The following GALNT11 variants were observed in gnomAD, a reference collection of about 807,000 sequenced individuals.
GALNT11 encodes the protein UDP-GalNAc:polypeptide N-acetylgalactosaminyltransferase 11.
A neutral mutation model predicts 72.7 loss-of-function variants in GALNT11; 47 were observed. That is an observed-to-expected ratio of 0.65 (90% CI 0.51 to 0.82). The LOEUF is 0.82. Ranked by LOEUF, GALNT11 falls within the 40% of genes least tolerant of loss-of-function variation. The pLI is 0.00. For missense variants in GALNT11, 677 were observed against 778.4 expected (o/e 0.87, Z 1.55); for synonymous variants, 270 against 286.6 (o/e 0.94, Z 0.58).
chr7:152,115,311 A>T (rs1479211620), intron 8 of GALNT11, among the ~76,000 whole-genome samples: 1 of 152,228 alleles, frequency 6.6e-6, no homozygotes, highest in East Asian at 1.9e-4. Context: ...AAATCGAGGC[A>T]TCAGCACCCA....
chr7:152,102,585 T>A (rs748540914), intron 3 of GALNT11, among the ~76,000 whole-genome samples: 2 of 151,866 alleles, frequency 1.3e-5, no homozygotes, highest in Non-Finnish European at 2.9e-5. Flanking sequence ...ATAGCAGGTA[T>A]AGGAGGGAGA....
intron 1 of GALNT11, among the ~76,000 whole-genome samples, chr7:152,035,403 G>A (rs1204554865): frequency 1.3e-5 from 2 of 152,182 alleles, no homozygotes; most frequent in African/African-American, 4.8e-5. Flanking sequence ...TTTCTGACAA[G>A]CATTAGGACC....
chr7:152,092,031 C>A (rs953913477), intron 1 of GALNT11, among the ~76,000 whole-genome samples: 1 of 152,102 alleles, frequency 6.6e-6, no homozygotes, highest in African/African-American at 2.4e-5. Flanking sequence ...TAAGCGTGGA[C>A]CTTGCTATAT....
chr7:152,108,300 CTTTG>C lies in GALNT11; in HGVS notation c.962+18_962+21del. 1 of 1,592,968 alleles carries C rather than the reference CTTTG, an allele frequency of 6.3e-7. No individual in the cohort carries two copies. Among genetic ancestry groups the C allele is most frequent in the South Asian group, 1.1e-5 (1 of 90,258 alleles). On this transcript the variant is annotated intron_variant, in intron 6 of 11. Transcript: ENST00000430044. Reference sequence around the variant, plus strand: ...CTGCACCAATAAAGTAAGATCGCTCCTTTGTTTGACAAATTCCTACCAGTGCTTC... The same window carrying C: ...CTGCACCAATAAAGTAAGATCGCTCCTTTGACAAATTCCTACCAGTGCTTC...
chr7:152,028,328 T>C (rs1430969921), intron 1 of GALNT11, among the ~76,000 whole-genome samples: 1 of 152,174 alleles, frequency 6.6e-6, no homozygotes, highest in Non-Finnish European at 1.5e-5. Flanking sequence ...TACAGAGTGC[T>C]AATTGGTCGG....
chr7:152,051,295 C>CT lies in GALNT11; in HGVS notation c.-39+25420dup, dbSNP rs1160584026. ...TTTGGTTGATATGCCTCTTAAGTTT[C>CT]TTTTTTTTTCTTTGCAATATGTTTG... On this transcript the variant is annotated intron_variant, in intron 1 of 11. Transcript: ENST00000430044. Among the ~76,000 whole-genome samples the CT allele has an allele frequency of 1.8e-4, 17 of 95,582 alleles. No individual in the cohort carries two copies. In the East Asian group the frequency reaches 2.8e-3, roughly 15 times the overall value. The allele number at this position is 95,582 out of a possible 152,430, so 62.7% of individuals were successfully genotyped here.
intron 2 of GALNT11, among the ~76,000 whole-genome samples, chr7:152,097,206 C>A (rs900484622): frequency 6.6e-6 from 1 of 152,172 alleles, no homozygotes; most frequent in African/African-American, 2.4e-5. Context: ...ATAGACATTT[C>A]TCCAAAGAAG....
chr7:152,031,187 G>A (rs779581375), intron 1 of GALNT11, among the ~76,000 whole-genome samples: 4 of 152,190 alleles, frequency 2.6e-5, no homozygotes, highest in Admixed American at 6.5e-5. Flanking sequence ...TTTCAAGTAC[G>A]GTTACGTCAC....
Position 152,094,518 on chromosome 7 carries a change from A to G in GALNT11, c.291A>G (p.Glu97=). The G allele has an allele frequency of 1.9e-6, 3 of 1,608,012 alleles. No homozygotes were observed. ...PEEGHLKFSS[E]LGMIFNERDQ... Reference sequence around the variant, plus strand: ...AAGGCCACTTGAAATTCTCTTCTGAATTAGGTAAGTATATGATGTTTACCA... The same window carrying G: ...AAGGCCACTTGAAATTCTCTTCTGAGTTAGGTAAGTATATGATGTTTACCA... The change falls in exon 2 of 12, where the codon GAA becomes GAG. Residue 97 remains glutamate (E), a synonymous_variant. Coordinates refer to ENST00000430044, the MANE Select transcript of GALNT11 (RefSeq NM_022087.4). This position sits in a 1 kb window ranked among gnomAD's most constrained non-coding sequence, Gnocchi z 4.3.
At chr7:152,111,998 G>A (rs1406316787) in intron 7 of GALNT11, among the ~76,000 whole-genome samples, 1 of 152,052 alleles carries the variant, frequency 6.6e-6, no homozygotes, top group Non-Finnish European at 1.5e-5. Flanking sequence ...TTCTCCAATT[G>A]CTAAGGTTTG....
chr7:152,063,884 A>G (rs1359296736), intron 1 of GALNT11, among the ~76,000 whole-genome samples: 3 of 152,156 alleles, frequency 2.0e-5, no homozygotes, highest in Non-Finnish European at 4.4e-5. Flanking sequence ...ACTTCCAACT[A>G]TGTGGTCAAT....
chr7:152,084,250 T>G (rs1039287031), intron 1 of GALNT11, among the ~76,000 whole-genome samples: 1 of 151,788 alleles, frequency 6.6e-6, no homozygotes, highest in Non-Finnish European at 1.5e-5. Flanking sequence ...TAAAAGTTAC[T>G]CTCTTCTAGC....
Position 152,103,113 on chromosome 7 carries a change from T to C in GALNT11, c.421T>C (p.Cys141Arg). ...ATTTCCTCATCTTTATCTTTACAGA[T>C]GTAAAGAAAAGTTCTACCCACCTGA... is the stretch of plus-strand genomic sequence containing the variant. ...RDVPDTRNAACKEKFYPPDLP... is the reference protein window; with the variant it reads ...RDVPDTRNAARKEKFYPPDLP... The change falls in exon 4 of 12, where the codon TGT becomes CGT. Residue 141 changes from cysteine to arginine, a missense_variant and splice_region_variant. Physicochemically the swap from Cys to Arg is radical, Grantham distance 180. Coordinates refer to ENST00000430044, the MANE Select transcript of GALNT11 (RefSeq NM_022087.4). The C allele has an allele frequency of 6.2e-7, 1 of 1,601,842 alleles. No homozygotes were observed. Among genetic ancestry groups the C allele is most frequent in the Non-Finnish European group, 8.5e-7 (1 of 1,171,138 alleles).
intron 1 of GALNT11, among the ~76,000 whole-genome samples, chr7:152,032,024 T>C (rs575546264): frequency 6.6e-6 from 1 of 152,320 alleles, no homozygotes; most frequent in South Asian, 2.1e-4. Flanking sequence ...TAGGCCTAGA[T>C]ATTTGACCTG....
intron 1 of GALNT11, among the ~76,000 whole-genome samples, chr7:152,058,977 G>C (rs1317231881): frequency 1.3e-5 from 2 of 149,486 alleles, no homozygotes; most frequent in African/African-American, 5.1e-5. Context: ...TCTTGAACCT[G>C]TCGGTCAAGG....
Position 152,026,292 on chromosome 7 carries a change from G to A in GALNT11, c.-39+408G>A, listed in dbSNP as rs2082010384. ...TACACAAAACTAGGGAGAATAGTGT[G>A]GAAGGAAATTTAATCTCGGGACCCC... On this transcript the variant is annotated intron_variant, in intron 1 of 11. Transcript: ENST00000430044. Among the ~76,000 whole-genome samples the A allele has an allele frequency of 3.3e-5, 5 of 152,234 alleles. No homozygotes were observed. The South Asian group carries it at 1.0e-3, about 32-fold the overall frequency.
At chr7:152,101,189 T>C (rs1165676589) in intron 3 of GALNT11, among the ~76,000 whole-genome samples, 2 of 152,158 alleles carry the variant, frequency 1.3e-5, no homozygotes, top group Non-Finnish European at 2.9e-5. Flanking sequence ...ATAACCTGAG[T>C]ATAAGTTTGT....
intron 5 of GALNT11, 102 bp downstream of exon 5, chr7:152,105,472 A>T: frequency 6.8e-7 from 1 of 1,477,680 alleles, no homozygotes; most frequent in South Asian, 1.4e-5. Flanking sequence ...GTAGTGTTTC[A>T]AACGGACATT....
At position 152,116,362 on chromosome 7, in the gene GALNT11, A is replaced by G. The variant is rs112795581; in HGVS notation, c.1234-795A>G. On this transcript the variant is annotated intron_variant, in intron 8 of 11. Coordinates refer to ENST00000430044, the MANE Select transcript of GALNT11 (RefSeq NM_022087.4). ...ACCTCCCAGGTTCAAGTGATTCTGCAGCCTCGGCCCCCAAGGAGCATGCGC... is the reference window on the plus strand; with the variant it reads ...ACCTCCCAGGTTCAAGTGATTCTGCGGCCTCGGCCCCCAAGGAGCATGCGC... Among the ~76,000 whole-genome samples the G allele has an allele frequency of 4.0e-3, 604 of 152,206 alleles. 4 individuals carry two copies. Among genetic ancestry groups the G allele is most frequent in the African/African-American group, 0.014 (579 of 41,556 alleles).
Sources: allele counts gnomAD v4.1 joint callset (sites outside exome capture counted in the v4.1 genomes callset), GRCh38; gene constraint gnomAD v4.1.1; non-coding constraint Gnocchi (gnomAD v3.1); transcripts MANE v1.5; gene names NCBI Gene and HGNC (gene_info 2026-07-23, HGNC 2026-07-21).